The following MAPK10 variants were observed in gnomAD, a reference collection of about 807,000 sequenced individuals.
MAPK10 encodes mitogen-activated protein kinase 10.
In MAPK10, 25 loss-of-function variants were observed where a neutral mutation model predicts 59.3. The observed-to-expected ratio is 0.42, with a 90% CI of 0.31 to 0.59. The LOEUF is 0.59. Ranked by LOEUF, MAPK10 falls within the 20% of genes least tolerant of loss-of-function variation. MAPK10 has a pLI of 0.15. For synonymous variants in MAPK10, 190 were observed against 200.5 expected (o/e 0.95, Z 0.44); for missense variants, 351 against 568.9 (o/e 0.62, Z 3.90).
chr4:86,351,514 A>G (rs1731468440), intron 2 of MAPK10, among the ~76,000 whole-genome samples: 1 of 152,020 alleles, frequency 6.6e-6, no homozygotes, highest in Admixed American at 6.6e-5. Flanking sequence ...TGCCCACCAC[A>G]TTCATTACCA....
intron 1 of MAPK10, among the ~76,000 whole-genome samples, chr4:86,583,847 T>TAA (rs1207115922): frequency 6.6e-6 from 1 of 152,222 alleles, no homozygotes; most frequent in Non-Finnish European, 1.5e-5. Context: ...AGATATCTTT[T>TAA]ATCTTATCTA....
rs748413514 is a variant in MAPK10, at chr4:86,314,059, T to C, written c.-7+40471A>G. Among the ~76,000 whole-genome samples the C allele has an allele frequency of 3.9e-5, 6 of 152,252 alleles. No homozygotes were observed. The South Asian group carries it at 8.3e-4, about 21-fold the overall frequency. The stretch of plus-strand genomic sequence containing the variant: ...GCATGGATGGACTTTACAGACATAA[T>C]GCTGAGTGAAAAGAAGAAACAAAAA... On this transcript the variant is annotated intron_variant, in intron 2 of 13. Transcript: ENST00000641462.
At chr4:86,316,432 T>C (rs1454073320) in intron 2 of MAPK10, among the ~76,000 whole-genome samples, 1 of 152,132 alleles carries the variant, frequency 6.6e-6, no homozygotes, top group Non-Finnish European at 1.5e-5. Context: ...ACTAATAATA[T>C]CTATGTACAA....
chr4:86,548,002 A>G (rs959301740), intron 1 of MAPK10, among the ~76,000 whole-genome samples: 3 of 152,090 alleles, frequency 2.0e-5, no homozygotes, highest in African/African-American at 7.2e-5. Flanking sequence ...AAGAGAATAA[A>G]AGCAGGCTGC....
intron 1 of MAPK10, among the ~76,000 whole-genome samples, chr4:86,383,926 TTTGA>T (rs1741103574): frequency 6.6e-6 from 1 of 152,242 alleles, no homozygotes; most frequent in African/African-American, 2.4e-5. Context: ...ATTTATCTTC[TTTGA>T]TTAATTTTTA....
rs754459214 is a variant in MAPK10 at position 86,101,417 on chromosome 4, T to G, written c.565-200A>C. ...AAAGTGTTTTAATCCCAGAAAAGAATTGTATTATCATTTTCACAATTTACA... is the reference window on the plus strand; with the variant it reads ...AAAGTGTTTTAATCCCAGAAAAGAAGTGTATTATCATTTTCACAATTTACA... On this transcript the variant is annotated intron_variant, in intron 7 of 13. Transcript: ENST00000641462. 142 of 512,618 alleles carry G rather than the reference T, an allele frequency of 2.8e-4. 1 individual carries two copies. The highest frequency in any genetic ancestry group is 4.3e-4 in the Non-Finnish European group (125 of 288,018). 31.8% of individuals were successfully genotyped at this position (512,618 alleles called of 1,614,324 possible).
At chr4:86,164,949 G>A (rs1306348903) in intron 3 of MAPK10, among the ~76,000 whole-genome samples, 2 of 152,136 alleles carry the variant, frequency 1.3e-5, no homozygotes, top group Non-Finnish European at 2.9e-5. Context: ...GATATTCATG[G>A]ATGCCAAGAA....
At chr4:86,229,491 A>G (rs1254754439) in intron 2 of MAPK10, among the ~76,000 whole-genome samples, 1 of 152,180 alleles carries the variant, frequency 6.6e-6, no homozygotes, top group Non-Finnish European at 1.5e-5. Context: ...CCCTACAAGT[A>G]TCCAGACTCT....
At chr4:86,299,847 G>T (rs574000029) in intron 2 of MAPK10, among the ~76,000 whole-genome samples, 7 of 151,972 alleles carry the variant, frequency 4.6e-5, no homozygotes, top group Non-Finnish European at 1.0e-4. Context: ...ATGGTAAACC[G>T]TATTTACATC....
At chr4:86,277,870 G>A (rs186068879) in intron 2 of MAPK10, among the ~76,000 whole-genome samples, 9 of 152,142 alleles carry the variant, frequency 5.9e-5, no homozygotes, top group African/African-American at 1.9e-4. Flanking sequence ...TGAAGGCTTG[G>A]AGTAGATGTT....
At chr4:86,361,816 T>C (rs79999449), upstream of MAPK10, among the ~76,000 whole-genome samples, 721 of 152,198 alleles carry the variant, frequency 4.7e-3, 15 homozygotes, top group East Asian at 0.053. Flanking sequence ...CTCACTTATA[T>C]GTGAAATTTT....
chr4:86,407,366 C>A (rs1160081064), intron 1 of MAPK10, among the ~76,000 whole-genome samples: 3 of 152,052 alleles, frequency 2.0e-5, no homozygotes, highest in Non-Finnish European at 4.4e-5. Flanking sequence ...AGGGTTCAGT[C>A]TCGAATGGAA....
intron 2 of MAPK10, among the ~76,000 whole-genome samples, chr4:86,229,241 A>G (rs115996650): frequency 0.016 from 2,442 of 152,264 alleles, 79 homozygotes; most frequent in African/African-American, 0.055. Flanking sequence ...ATCATGTACT[A>G]TTAAAATATT....
upstream of MAPK10, among the ~76,000 whole-genome samples, chr4:86,363,410 G>C (rs74858100): frequency 6.6e-6 from 1 of 152,114 alleles, no homozygotes; most frequent in African/African-American, 2.4e-5. Flanking sequence ...ATATTACTCA[G>C]CAATTAAAAA....
intron 1 of MAPK10, among the ~76,000 whole-genome samples, chr4:86,551,319 C>A (rs552470106): frequency 3.3e-5 from 5 of 152,180 alleles, no homozygotes; most frequent in Admixed American, 3.3e-4. Context: ...TTGCTTTTTG[C>A]CAATGAAACT....
intron 1 of MAPK10, among the ~76,000 whole-genome samples, chr4:86,542,182 A>T (rs1307669790): frequency 2.0e-5 from 3 of 152,198 alleles, no homozygotes; most frequent in African/African-American, 7.2e-5. Context: ...TAAGAAGCCC[A>T]ATTACATTAA....
chr4:86,445,167 C>T (rs1749888635), intron 1 of MAPK10, among the ~76,000 whole-genome samples: 1 of 152,116 alleles, frequency 6.6e-6, no homozygotes, highest in South Asian at 2.1e-4. Flanking sequence ...ATGGAATCAA[C>T]CCAAATGCCC....
chr4:86,370,722 G>A (rs1397222060), intron 1 of MAPK10: 1 of 152,180 alleles, frequency 6.6e-6, no homozygotes, highest in Non-Finnish European at 1.5e-5. Flanking sequence ...ACCTTGGGAA[G>A]AAGCATAGTC....
chr4:86,575,577 T>G (rs1415882690), intron 1 of MAPK10, among the ~76,000 whole-genome samples: 1 of 152,042 alleles, frequency 6.6e-6, no homozygotes, highest in African/African-American at 2.4e-5. Context: ...CTGAGTTTTA[T>G]TTTTCTTTTT....
Sources: allele counts gnomAD v4.1 joint callset (sites outside exome capture counted in the v4.1 genomes callset), GRCh38; gene constraint gnomAD v4.1.1; transcripts MANE v1.5; gene names NCBI Gene and HGNC (gene_info 2026-07-23, HGNC 2026-07-21).